The following GALNTL6 variants were observed in gnomAD, a reference collection of about 807,000 sequenced individuals.
GALNTL6 encodes polypeptide N-acetylgalactosaminyltransferase-like 6.
A neutral mutation model predicts 73.7 loss-of-function variants in GALNTL6; 46 were observed. The observed-to-expected ratio is 0.62, with a 90% CI of 0.49 to 0.80. The LOEUF (loss-of-function observed/expected upper bound fraction) is 0.80. GALNTL6 is among the 30% of genes least tolerant of loss of function. GALNTL6 has a pLI of 0.00. For missense variants in GALNTL6, 604 were observed against 755.0 expected (o/e 0.80, Z 2.34); for synonymous variants, 259 against 263.7 (o/e 0.98, Z 0.17).
intron 2 of GALNTL6, among the ~76,000 whole-genome samples, chr4:172,048,165 G>T (rs1219002733): frequency 6.6e-6 from 1 of 152,102 alleles, no homozygotes; most frequent in Non-Finnish European, 1.5e-5. Flanking sequence ...GAAGGGACTA[G>T]GTCATCAACT....
intron 3 of GALNTL6, among the ~76,000 whole-genome samples, chr4:172,276,743 G>GT (rs1375154468): frequency 3.3e-5 from 5 of 151,588 alleles, no homozygotes; most frequent in East Asian, 3.9e-4. Flanking sequence ...TAATTGTGGG[G>GT]TTTTTTTTAG....
intron 7 of GALNTL6, among the ~76,000 whole-genome samples, chr4:172,866,266 T>C (rs1744657508): frequency 6.6e-6 from 1 of 152,098 alleles, no homozygotes; most frequent in South Asian, 2.1e-4. Flanking sequence ...GATTCTGGGA[T>C]GGTGTGTGTG....
intron 10 of GALNTL6, among the ~76,000 whole-genome samples, chr4:172,985,120 C>T (rs150238909): frequency 2.6e-4 from 39 of 152,202 alleles, no homozygotes; most frequent in Non-Finnish European, 5.1e-4. Flanking sequence ...GAGCCTTGCC[C>T]ATGACCCAAT....
At chr4:171,985,398 A>C (rs1379034524) in intron 2 of GALNTL6, among the ~76,000 whole-genome samples, 1 of 152,218 alleles carries the variant, frequency 6.6e-6, no homozygotes, top group Admixed American at 6.5e-5. Context: ...AACCACCCCC[A>C]TGATTCTATT....
chr4:172,706,949 CCT>C (rs1315298618), intron 5 of GALNTL6, among the ~76,000 whole-genome samples: 1 of 152,146 alleles, frequency 6.6e-6, no homozygotes, highest in Non-Finnish European at 1.5e-5. Context: ...GAGTTTTCAA[CCT>C]ACATGCACTT....
At position 172,214,519 on chromosome 4, in the gene GALNTL6, C is replaced by CTTT. The variant is rs34845361; in HGVS notation, c.139-15125_139-15123dup. Among the ~76,000 whole-genome samples the CTTT allele has an allele frequency of 1.7e-3, 237 of 142,576 alleles. 5 individuals carry two copies. The highest frequency in any genetic ancestry group is 0.011 in the Admixed American group (164 of 14,296). The allele number at this position is 142,576 out of a possible 152,430, so 93.5% of individuals were successfully genotyped here. ...TTCTGTTCTGTTTTTATTTCTTTTCCTTTTTTTTTTTTTTGAGACAGAGTC... is the reference window on the plus strand; with the variant it reads ...TTCTGTTCTGTTTTTATTTCTTTTCCTTTTTTTTTTTTTTTTTGAGACAGAGTC... On this transcript the variant is annotated intron_variant, in intron 2 of 12. Transcript: ENST00000506823.
intron 2 of GALNTL6, among the ~76,000 whole-genome samples, chr4:171,911,561 T>C (rs1473262884): frequency 6.6e-6 from 1 of 152,160 alleles, no homozygotes; most frequent in Non-Finnish European, 1.5e-5. Context: ...AGAAAAGCAT[T>C]AAGTTAAGCA....
intron 5 of GALNTL6, among the ~76,000 whole-genome samples, chr4:172,412,711 A>G (rs146501661): frequency 6.2e-4 from 95 of 152,302 alleles, no homozygotes; most frequent in African/African-American, 2.1e-3. Context: ...AAACCTGGAA[A>G]TCAATTATTT....
Position 172,678,312 on chromosome 4 carries a change from CT to C in GALNTL6, c.554-131045del, listed in dbSNP as rs545720052. Among the ~76,000 whole-genome samples the C allele has an allele frequency of 1.7e-3, 93 of 54,804 alleles. 2 individuals are homozygous for C. In the South Asian group the frequency reaches 0.073, roughly 43 times the overall value. 36.0% of individuals were successfully genotyped at this position (54,804 alleles called of 152,430 possible). On this transcript the variant is annotated intron_variant, in intron 5 of 12. Coordinates refer to ENST00000506823, the MANE Select transcript of GALNTL6 (RefSeq NM_001034845.3). ...AATTCTCTTTTGCCCAGTTTTTAGT[CT>C]TTTCTTTTAAAGAATCTCCGTTCTT... is the stretch of plus-strand genomic sequence containing the variant.
intron 9 of GALNTL6, among the ~76,000 whole-genome samples, chr4:172,933,914 A>T (rs1453439032): frequency 6.6e-6 from 1 of 152,240 alleles, no homozygotes; most frequent in Non-Finnish European, 1.5e-5. Context: ...TGCACTTTTC[A>T]CATTGATGAT....
intron 2 of GALNTL6, among the ~76,000 whole-genome samples, chr4:172,114,552 C>T (rs1732935487): frequency 6.6e-6 from 1 of 152,018 alleles, no homozygotes; most frequent in Non-Finnish European, 1.5e-5. Flanking sequence ...CTGTATCATG[C>T]TTCAATCATT....
intron 5 of GALNTL6, among the ~76,000 whole-genome samples, chr4:172,494,491 G>C (rs1448487788): frequency 6.6e-6 from 1 of 152,178 alleles, no homozygotes; most frequent in East Asian, 1.9e-4. Context: ...TAACAGGATA[G>C]ATGAATATAT....
chr4:171,960,487 C>T (rs1021368007), intron 2 of GALNTL6, among the ~76,000 whole-genome samples: 18 of 151,930 alleles, frequency 1.2e-4, no homozygotes, highest in African/African-American at 4.3e-4. Flanking sequence ...ACTGTGTTCC[C>T]CAGGCTGGTC....
At chr4:172,864,179 C>G (rs928774598) in intron 7 of GALNTL6, among the ~76,000 whole-genome samples, 1 of 152,204 alleles carries the variant, frequency 6.6e-6, no homozygotes, top group African/African-American at 2.4e-5. Flanking sequence ...TCTCTATTAG[C>G]AGCATGAGAA....
intron 2 of GALNTL6, among the ~76,000 whole-genome samples, chr4:171,869,267 G>T (rs1249448715): frequency 6.6e-6 from 1 of 152,144 alleles, no homozygotes; most frequent in East Asian, 1.9e-4. Context: ...AAAGAATCAT[G>T]TCATACAATT....
At chr4:172,392,847 A>G (rs1249938567) in intron 5 of GALNTL6, among the ~76,000 whole-genome samples, 1 of 152,154 alleles carries the variant, frequency 6.6e-6, no homozygotes, top group Non-Finnish European at 1.5e-5. Flanking sequence ...ACTATTTATC[A>G]GGGGTCCACA....
intron 5 of GALNTL6, among the ~76,000 whole-genome samples, chr4:172,451,798 G>C (rs994703342): frequency 6.6e-6 from 1 of 152,114 alleles, no homozygotes; most frequent in Non-Finnish European, 1.5e-5. Flanking sequence ...TTGAGGCCAG[G>C]AGTTCAAGAC....
intron 5 of GALNTL6, among the ~76,000 whole-genome samples, chr4:172,447,293 A>G (rs1732057713): frequency 6.6e-6 from 1 of 152,134 alleles, no homozygotes; most frequent in Non-Finnish European, 1.5e-5. Context: ...TGCTTTATGT[A>G]TCAGTCTCCC....
chr4:172,523,866 C>T (rs1318190575), intron 5 of GALNTL6, among the ~76,000 whole-genome samples: 1 of 152,024 alleles, frequency 6.6e-6, no homozygotes, highest in Non-Finnish European at 1.5e-5. Flanking sequence ...ACACATAACA[C>T]ACATACAAAA....
Sources: allele counts gnomAD v4.1 joint callset (sites outside exome capture counted in the v4.1 genomes callset), GRCh38; gene constraint gnomAD v4.1.1; transcripts MANE v1.5; gene names NCBI Gene and HGNC (gene_info 2026-07-23, HGNC 2026-07-21).